PROSER1: variants seen among roughly 807,000 people sequenced by gnomAD.
PROSER1 encodes proline and serine-rich protein 1.
In PROSER1, 36 loss-of-function variants were observed where a neutral mutation model predicts 71.8. That is an observed-to-expected ratio of 0.50 (90% confidence interval 0.38 to 0.66). PROSER1 has a LOEUF of 0.66. Ranked by LOEUF, PROSER1 falls within the 30% of genes least tolerant of loss-of-function variation. The pLI is 0.00. For synonymous variants in PROSER1, 490 were observed against 452.4 expected (o/e 1.08, Z -1.06); for missense variants, 1,107 against 1,135.0 (o/e 0.98, Z 0.35).
intron 6 of PROSER1, among the ~76,000 whole-genome samples, chr13:39,024,793 A>C (rs1870468673): frequency 6.6e-6 from 1 of 152,118 alleles, no homozygotes; most frequent in Admixed American, 6.5e-5. Context: ...GAACATGAAA[A>C]ACACAGAGAG....
chr13:39,037,140 A>G (rs936739343), intron 1 of PROSER1, 58 bp downstream of exon 1: 3 of 1,279,424 alleles, frequency 2.3e-6, no homozygotes, highest in Non-Finnish European at 3.4e-6. Flanking sequence ...TACCTCAAAG[A>G]GAGTCTAAAA....
chr13:39,031,449 CAT>C (rs1271512849), intron 3 of PROSER1, 112 bp downstream of exon 3: 8 of 768,620 alleles, frequency 1.0e-5, no homozygotes, highest in African/African-American at 1.8e-5. Flanking sequence ...TACAATAACA[CAT>C]AGAGTTCGCT....
rs1231546922 is a variant in PROSER1 at position 39,037,423 on chromosome 13, A to C, written c.-181T>G. Reference sequence around the variant, plus strand: ...AACTTCGCAAAAAAAATTTCTAAAAATTGAGATTCAGAAAAACTCTTTTTA... The same window carrying C: ...AACTTCGCAAAAAAAATTTCTAAAACTTGAGATTCAGAAAAACTCTTTTTA... On this transcript the variant is annotated 5_prime_UTR_variant, in exon 1 of 13. Transcript: ENST00000352251. The C allele has an allele frequency of 5.2e-6, 3 of 579,930 alleles. No homozygotes were observed. The highest frequency in any genetic ancestry group is 2.3e-5 in the South Asian group (1 of 43,102). 35.9% of individuals were successfully genotyped at this position (579,930 alleles called of 1,614,324 possible).
chr13:39,011,727 G>C (rs1233664523), intron 12 of PROSER1, among the ~76,000 whole-genome samples: 2 of 152,172 alleles, frequency 1.3e-5, no homozygotes, highest in South Asian at 4.1e-4. Context: ...AAAGTCAATA[G>C]GTTTTCTACA....
intron 6 of PROSER1, among the ~76,000 whole-genome samples, chr13:39,025,657 CCAAT>C (rs1164000779): frequency 1.3e-5 from 2 of 152,098 alleles, no homozygotes; most frequent in East Asian, 3.9e-4. Flanking sequence ...TTCTTGGGCT[CCAAT>C]CAAATTTTCA....
In PROSER1 at chr13:39,031,639, C is replaced by G; in HGVS notation, c.112-8G>C. 1 of 1,611,252 alleles carries G rather than the reference C, an allele frequency of 6.2e-7. No individual in the cohort carries two copies. Among genetic ancestry groups the G allele is most frequent in the Non-Finnish European group, 8.5e-7 (1 of 1,178,416 alleles). On this transcript the variant is annotated splice_polypyrimidine_tract_variant and splice_region_variant and intron_variant, in intron 2 of 12. Coordinates refer to ENST00000352251, the MANE Select transcript of PROSER1 (RefSeq NM_025138.5). The stretch of plus-strand genomic sequence containing the variant: ...TCTCAGCAAATCAACCACCTGAAAA[C>G]AAAGAACTAACAGCTCTAATGACAG...
chr13:39,014,308 A>T lies in PROSER1; in HGVS notation c.944T>A (p.Val315Glu). The change falls in exon 11 of 13, where the codon GTG becomes GAG. Residue 315 changes from valine (V) to glutamate (E), a missense_variant. By Grantham distance (121) the Val-to-Glu change is moderately radical (BLOSUM62 -2). Transcript: ENST00000352251. ...GMNLLNTVLP[V>E]FPGQVSSAVH... Reference sequence around the variant, plus strand: ...GGCTGAGGAGACCTGCCCTGGGAACACAGGAAGGACAGTATTCAGCAGGTT... The same window carrying T: ...GGCTGAGGAGACCTGCCCTGGGAACTCAGGAAGGACAGTATTCAGCAGGTT... 6.2e-7 allele frequency: 1 copy of T among 1,614,146 alleles called. No homozygotes were observed. The highest frequency in any genetic ancestry group is 8.5e-7 in the Non-Finnish European group (1 of 1,180,012).
At position 39,011,485 on chromosome 13, in the gene PROSER1, G is replaced by A. The variant is rs920963827; in HGVS notation, c.2715C>T (p.Val905=). 2 of 1,613,682 alleles carry A rather than the reference G, an allele frequency of 1.2e-6. No homozygotes were observed. Among genetic ancestry groups the A allele is most frequent in the African/African-American group, 1.3e-5 (1 of 74,924 alleles). ...AAAQSALLQQ[V]HSASALESYP... ...AGCTTTCCAGAGCCGAAGCTGAATG[G>A]ACCTGATGGAAAGAAGAGCGTGTGG... is the stretch of plus-strand genomic sequence containing the variant. Residue 905 remains valine (V), a splice_region_variant and synonymous_variant, in exon 13 of 13, where the codon GTC becomes GTT. Coordinates refer to ENST00000352251, the MANE Select transcript of PROSER1 (RefSeq NM_025138.5).
chr13:39,014,575 A>G (rs1006146868), intron 10 of PROSER1, 99 bp from the exon 11 acceptor site: 2 of 858,216 alleles, frequency 2.3e-6, no homozygotes, highest in African/African-American at 1.7e-5. Flanking sequence ...TTTAACAAAT[A>G]CCAAATAAAA....
chr13:39,018,339 A>G (rs908161459), intron 9 of PROSER1, among the ~76,000 whole-genome samples: 4 of 152,136 alleles, frequency 2.6e-5, no homozygotes, highest in Admixed American at 2.6e-4. Context: ...TGTAAAGGAA[A>G]CCTCCACGCC....
rs749940728 is a variant in PROSER1, at chr13:39,014,441, G to A, written c.811C>T (p.His271Tyr). Residue 271 changes from histidine to tyrosine, a missense_variant, in exon 11 of 13, where the codon CAT becomes TAT. His to Tyr is a moderately conservative substitution (Grantham distance 83). Transcript: ENST00000352251. ...GCAGGTGTTGAAGGATTAGAACCAT[G>A]AGGAGAAAAGAGTTGACTTGCTGGG... ...STPASQLFSP[H>Y]GSNPSTPAAT... 7 of 1,612,094 alleles carry A rather than the reference G, an allele frequency of 4.3e-6. No individual in the cohort carries two copies. The highest frequency in any genetic ancestry group is 1.7e-4 in the Middle Eastern group (1 of 6,054).
chr13:39,013,020 C>G lies in PROSER1; in HGVS notation c.2232G>C (p.Thr744=). The G allele has an allele frequency of 3.1e-6, 5 of 1,613,936 alleles. No homozygotes were observed. Among genetic ancestry groups the G allele is most frequent in the Non-Finnish European group, 4.2e-6 (5 of 1,179,938 alleles). The change falls in exon 11 of 13, where the codon ACG becomes ACC. Residue 744 remains threonine (T), a synonymous_variant. Transcript: ENST00000352251. ...TSTSLPHPSS[T]AAVLSGLSAS... is the part of the protein sequence containing the mutation. ...CAGAAAGCCCTGAGAGAACAGCTGC[C>G]GTTGAGCTAGGATGAGGGAGAGATG...
Position 39,014,216 on chromosome 13 carries a change from G to C in PROSER1, c.1036C>G (p.Pro346Ala). Reference sequence around the variant, plus strand: ...GTTGTACTGTGGATGGATGTAACAGGTGCAGTGGGCAATGAAGGGGTTCTG... The same window carrying C: ...GTTGTACTGTGGATGGATGTAACAGCTGCAGTGGGCAATGAAGGGGTTCTG... ...VIRTPSLPTA[P>A]VTSIHSTTTT... Residue 346 changes from proline to alanine, a missense_variant, in exon 11 of 13, where the codon CCT becomes GCT. Pro to Ala is a conservative substitution (Grantham distance 27). Coordinates refer to ENST00000352251, the MANE Select transcript of PROSER1 (RefSeq NM_025138.5). 6.2e-7 allele frequency: 1 copy of C among 1,614,202 alleles called. No individual in the cohort carries two copies. The highest frequency in any genetic ancestry group is 2.2e-5 in the East Asian group (1 of 44,880).
At chr13:39,030,826 C>G (rs1288681532) in intron 3 of PROSER1, among the ~76,000 whole-genome samples, 1 of 152,118 alleles carries the variant, frequency 6.6e-6, no homozygotes, top group Non-Finnish European at 1.5e-5. Context: ...TTTTCACCCC[C>G]AGAGAACAGG....
chr13:39,032,949 T>C (rs1870925409), intron 2 of PROSER1, among the ~76,000 whole-genome samples: 1 of 151,906 alleles, frequency 6.6e-6, no homozygotes, highest in South Asian at 2.1e-4. Flanking sequence ...GAGACAGAGT[T>C]TTGCTCTGTT....
Position 39,014,428 on chromosome 13 carries a change from G to C in PROSER1, c.824C>G (p.Pro275Arg). Residue 275 changes from proline (P) to arginine (R), a missense_variant, in exon 11 of 13, where the codon CCT becomes CGT. By Grantham distance (103) the Pro-to-Arg change is moderately radical (BLOSUM62 -2). Transcript: ENST00000352251. ...AACAGGAGTTGCAGCAGGTGTTGAA[G>C]GATTAGAACCATGAGGAGAAAAGAG... Reference protein sequence around the residue: ...SQLFSPHGSNPSTPAATPVPT... With the variant: ...SQLFSPHGSNRSTPAATPVPT... 6.2e-7 allele frequency: 1 copy of C among 1,613,890 alleles called. No homozygotes were observed. Among genetic ancestry groups the C allele is most frequent in the Non-Finnish European group, 8.5e-7 (1 of 1,179,902 alleles).
intron 3 of PROSER1, among the ~76,000 whole-genome samples, chr13:39,030,298 G>A (rs981457591): frequency 2.6e-5 from 4 of 152,224 alleles, no homozygotes; most frequent in East Asian, 1.9e-4. Flanking sequence ...TATTTATTAC[G>A]TAACTCAACT....
chr13:39,021,039 G>A (rs1317753518), intron 9 of PROSER1, among the ~76,000 whole-genome samples: 1 of 152,114 alleles, frequency 6.6e-6, no homozygotes, highest in Non-Finnish European at 1.5e-5. Context: ...GTTTACATAT[G>A]TGACCCAAGG....
Position 39,018,493 on chromosome 13 carries a change from C to A in PROSER1, c.731-949G>T, listed in dbSNP as rs1014770697. ...AACCCGACACACACACACACACACA[C>A]ACACACACACACACACACACACACT... On this transcript the variant is annotated intron_variant, in intron 9 of 12. Transcript: ENST00000352251. Among the ~76,000 whole-genome samples the A allele has an allele frequency of 2.1e-5, 3 of 144,280 alleles. No individual in the cohort carries two copies. In the Admixed American group the frequency reaches 2.1e-4, roughly 10 times the overall value. 94.7% of individuals were successfully genotyped at this position (144,280 alleles called of 152,430 possible). A position where few individuals can be genotyped will look rare whatever the true frequency, so the allele number is the denominator to read the frequency against.
Sources: allele counts gnomAD v4.1 joint callset (sites outside exome capture counted in the v4.1 genomes callset), GRCh38; gene constraint gnomAD v4.1.1; transcripts MANE v1.5; gene names NCBI Gene and HGNC (gene_info 2026-07-23, HGNC 2026-07-21).